The following CDH7 variants were observed in gnomAD, a reference collection of about 807,000 sequenced individuals.
CDH7 encodes cadherin-7.
CDH7 carries 25 observed loss-of-function variants against 71.8 expected under a neutral mutation model. The observed-to-expected ratio is 0.35, with a 90% CI of 0.25 to 0.49. CDH7 has a LOEUF of 0.49. Ranked by LOEUF, CDH7 falls within the 20% of genes least tolerant of loss-of-function variation. The pLI is 0.99. For synonymous variants in CDH7, 381 were observed against 363.8 expected (o/e 1.05, Z -0.54); for missense variants, 862 against 974.6 (o/e 0.88, Z 1.54).
intron 7 of CDH7, among the ~76,000 whole-genome samples, chr18:65,855,930 CA>C (rs1458605314): frequency 6.6e-6 from 1 of 151,100 alleles, no homozygotes; most frequent in Non-Finnish European, 1.5e-5. Context: ...GTTTAATATT[CA>C]AAAGTTCATC....
chr18:65,782,057 C>T (rs1196175584), intron 2 of CDH7, among the ~76,000 whole-genome samples: 2 of 52,228 alleles, frequency 3.8e-5, no homozygotes, highest in African/African-American at 2.0e-4. Flanking sequence ...TTCCTTCCTT[C>T]CTTCCTTTCT....
Position 65,884,086 on chromosome 18 carries a change from TCTTA to T in CDH7, c.*3195_*3198del. 1 of 152,162 alleles carries T rather than the reference TCTTA, an allele frequency of 6.6e-6. No homozygotes were observed. Among genetic ancestry groups the T allele is most frequent in the East Asian group, 1.9e-4 (1 of 5,196 alleles). 9.4% of individuals were successfully genotyped at this position (152,162 alleles called of 1,614,324 possible). A position where few individuals can be genotyped will look rare whatever the true frequency, so the allele number is the denominator to read the frequency against. The stretch of plus-strand genomic sequence containing the variant: ...ATTGAAAAATCAGATGCATTTTACT[TCTTA>T]CTGTCTATGTCAAGGAAATACACCC... On this transcript the variant is annotated 3_prime_UTR_variant, in exon 12 of 12. Coordinates refer to ENST00000397968, the MANE Select transcript of CDH7 (RefSeq NM_004361.5).
rs550512990 is a variant in CDH7, at chr18:65,884,536, A to C, written c.*3642A>C. 2.0e-5 allele frequency: 3 copies of C among 152,330 alleles called. No homozygotes were observed. In the East Asian group the frequency reaches 5.8e-4, roughly 29 times the overall value. 9.4% of individuals were successfully genotyped at this position (152,330 alleles called of 1,614,324 possible). On this transcript the variant is annotated 3_prime_UTR_variant, in exon 12 of 12. Transcript: ENST00000397968. ...GTTTTAAATTATTTTATCTTCATGC[A>C]CAATTACATTTACTACATTGGATGG...
chr18:65,880,258 A>G (rs1055920180), intron 11 of CDH7, 143 bp from the exon 12 acceptor site: 1 of 790,740 alleles, frequency 1.3e-6, no homozygotes, highest in Non-Finnish European at 1.9e-6. Flanking sequence ...TACCGCTGTG[A>G]ATCCTTGTGG....
intron 5 of CDH7, among the ~76,000 whole-genome samples, chr18:65,823,543 C>G (rs192060547): frequency 0.013 from 1,957 of 151,736 alleles, 28 homozygotes; most frequent in Non-Finnish European, 0.016. Flanking sequence ...TTTTCTCTAC[C>G]GTTGAATCAC....
At position 65,889,337 on chromosome 18, in the gene CDH7, T is replaced by C. The variant is rs1385613738; in HGVS notation, c.*8443T>C. ...TGTCAACAAACAGTTCCACTGAAGTTGCCATAGGGACAGCTCCAACCCAGT... is the reference window on the plus strand; with the variant it reads ...TGTCAACAAACAGTTCCACTGAAGTCGCCATAGGGACAGCTCCAACCCAGT... On this transcript the variant is annotated 3_prime_UTR_variant, in exon 12 of 12. Transcript: ENST00000397968. 1.3e-5 allele frequency: 2 copies of C among 152,164 alleles called. No homozygotes were observed. Among genetic ancestry groups the C allele is most frequent in the East Asian group, 3.9e-4 (2 of 5,190 alleles). 9.4% of individuals were successfully genotyped at this position (152,164 alleles called of 1,614,324 possible).
In CDH7 at chr18:65,862,927, G is replaced by T; in HGVS notation, c.1864+10G>T. The T allele has an allele frequency of 1.9e-6, 3 of 1,612,388 alleles. No individual in the cohort carries two copies. Among genetic ancestry groups the T allele is most frequent in the Non-Finnish European group, 2.5e-6 (3 of 1,178,792 alleles). On this transcript the variant is annotated intron_variant, in intron 11 of 11. Coordinates refer to ENST00000397968, the MANE Select transcript of CDH7 (RefSeq NM_004361.5). Reference sequence around the variant, plus strand: ...GTCTTGACATTATTGGGTAGGTACTGTTTCCAGGGCTTGCTCTGAAAGAGC... The same window carrying T: ...GTCTTGACATTATTGGGTAGGTACTTTTTCCAGGGCTTGCTCTGAAAGAGC...
chr18:65,778,699 A>G (rs1286387582), intron 2 of CDH7, among the ~76,000 whole-genome samples: 1 of 151,490 alleles, frequency 6.6e-6, no homozygotes, highest in African/African-American at 2.4e-5. Context: ...TGAGACGTCA[A>G]CAGTTTATTT....
At chr18:65,824,416 C>T (rs2143942183) in intron 5 of CDH7, among the ~76,000 whole-genome samples, 1 of 151,830 alleles carries the variant, frequency 6.6e-6, no homozygotes, top group African/African-American at 2.4e-5. Flanking sequence ...TCTTCTCTTG[C>T]TTTTCCTCAT....
Position 65,781,776 on chromosome 18 carries a change from T to TTTCTTTCTTTCTTTCTTTCTTTCTA in CDH7, c.210+18725_210+18726insTCTTTCTTTCTTTCTTTCTTTCTAT, listed in dbSNP as rs1568181291. ...TTTCTTTCTTTCTTTCTTTCCTTCC[T>TTTCTTTCTTTCTTTCTTTCTTTCTA]TCCTTCCTTCCTTCCTTCCTTCCTT... On this transcript the variant is annotated intron_variant, in intron 2 of 11. Coordinates refer to ENST00000397968, the MANE Select transcript of CDH7 (RefSeq NM_004361.5). 8.1e-4 allele frequency among the ~76,000 whole-genome samples: 46 copies of TTTCTTTCTTTCTTTCTTTCTTTCTA among 56,924 alleles called. 4 individuals carry two copies. Among genetic ancestry groups the TTTCTTTCTTTCTTTCTTTCTTTCTA allele is most frequent in the African/African-American group, 2.8e-3 (22 of 7,916 alleles). The allele number at this position is 56,924 out of a possible 152,430, so 37.3% of individuals were successfully genotyped here.
At chr18:65,770,612 T>G (rs1359080671) in intron 2 of CDH7, among the ~76,000 whole-genome samples, 1 of 152,196 alleles carries the variant, frequency 6.6e-6, no homozygotes, top group Non-Finnish European at 1.5e-5. Flanking sequence ...TATTAAATCT[T>G]TGGAAAGCCT....
intron 2 of CDH7, among the ~76,000 whole-genome samples, chr18:65,807,592 C>T (rs1245192206): frequency 5.3e-5 from 8 of 152,122 alleles, no homozygotes; most frequent in South Asian, 2.1e-4. Flanking sequence ...TACCAGGTGC[C>T]GCCCCATAGG....
intron 5 of CDH7, among the ~76,000 whole-genome samples, chr18:65,823,030 T>G (rs567113162): frequency 1.2e-4 from 18 of 152,008 alleles, no homozygotes; most frequent in African/African-American, 4.3e-4. Flanking sequence ...CTGTACAATG[T>G]CTCTAAAATG....
chr18:65,858,908 A>T lies in CDH7; in HGVS notation c.1373-17A>T, dbSNP rs756096853. ...ATGGGCAAAGAGTAAATGATAAGAC[A>T]CTGTCTTATTTATTAGAGAATCCAT... On this transcript the variant is annotated splice_polypyrimidine_tract_variant and intron_variant, in intron 8 of 11. Transcript: ENST00000397968. 1 of 1,608,838 alleles carries T rather than the reference A, an allele frequency of 6.2e-7. No individual in the cohort carries two copies. The highest frequency in any genetic ancestry group is 8.5e-7 in the Non-Finnish European group (1 of 1,176,012).
chr18:65,830,537 C>T (rs979312758), intron 6 of CDH7, among the ~76,000 whole-genome samples: 2 of 150,358 alleles, frequency 1.3e-5, no homozygotes, highest in Non-Finnish European at 3.0e-5. Context: ...TTCCTTTCTT[C>T]CTCCCTTCCT....
At chr18:65,801,054 T>G (rs2143883020) in intron 2 of CDH7, among the ~76,000 whole-genome samples, 1 of 152,302 alleles carries the variant, frequency 6.6e-6, no homozygotes, top group East Asian at 1.9e-4. Flanking sequence ...AAATTACAAT[T>G]ATTTGTTCAA....
intron 2 of CDH7, among the ~76,000 whole-genome samples, chr18:65,778,267 G>A (rs1451855499): frequency 1.1e-5 from 1 of 88,070 alleles, no homozygotes; most frequent in Admixed American, 1.9e-4. Flanking sequence ...ATGAGACTCT[G>A]TCTCAAAAAA....
At chr18:65,864,917 C>T (rs1456103284) in intron 11 of CDH7, among the ~76,000 whole-genome samples, 1 of 143,374 alleles carries the variant, frequency 7.0e-6, no homozygotes, top group African/African-American at 2.7e-5. Flanking sequence ...AAAAAAAATC[C>T]ATTCATGTTT....
chr18:65,858,014 A>G (rs1003264245), intron 8 of CDH7, 62 bp downstream of exon 8: 2 of 1,509,654 alleles, frequency 1.3e-6, no homozygotes, highest in Non-Finnish European at 1.8e-6. Context: ...ATCGATTGTC[A>G]TGAGGTTGTA....
Sources: allele counts gnomAD v4.1 joint callset (sites outside exome capture counted in the v4.1 genomes callset), GRCh38; gene constraint gnomAD v4.1.1; transcripts MANE v1.5; gene names NCBI Gene and HGNC (gene_info 2026-07-23, HGNC 2026-07-21).